TAPBPL: variants seen among roughly 807,000 people sequenced by gnomAD.
TAPBPL encodes the protein tapasin-related protein.
Under a neutral mutation model 44.8 loss-of-function variants are expected in TAPBPL, and 32 were observed. The ratio of observed to expected loss-of-function variants is 0.71; its 90% CI spans 0.54 to 0.96. The LOEUF (loss-of-function observed/expected upper bound fraction) is 0.96, where lower values mean the gene tolerates loss of function less well. Ranked by LOEUF, TAPBPL falls within the 40% of genes least tolerant of loss-of-function variation. TAPBPL has a pLI of 0.00. For synonymous variants in TAPBPL, 230 were observed against 240.7 expected (o/e 0.96, Z 0.41); for missense variants, 520 against 586.6 (o/e 0.89, Z 1.17).
chr12:6,464,458 G>T, downstream of TAPBPL: 1 of 1,559,706 alleles, frequency 6.4e-7, no homozygotes, highest in Non-Finnish European at 8.7e-7. Flanking sequence ...ACAGGGAAGG[G>T]GTGGTACATT....
At chr12:6,457,784 A>G (rs367967500) in intron 4 of TAPBPL, 40 bp downstream of exon 4, 1 of 1,506,930 alleles carries the variant, frequency 6.6e-7, no homozygotes, top group African/African-American at 1.4e-5. Flanking sequence ...AGGGGATATA[A>G]CATGTCTACT....
At chr12:6,454,727 A>G (rs1212386353) in intron 3 of TAPBPL, among the ~76,000 whole-genome samples, 1 of 152,188 alleles carries the variant, frequency 6.6e-6, no homozygotes, top group African/African-American at 2.4e-5. Context: ...GGTAAAGCTC[A>G]GGGATGCATC....
chr12:6,463,043 C>G (rs1287137823), downstream of TAPBPL: 10 of 1,543,740 alleles, frequency 6.5e-6, no homozygotes, highest in Non-Finnish European at 7.0e-6. The surrounding 1 kb of genome is among the most constrained non-coding windows in gnomAD (Gnocchi z 4.0). Context: ...CTGCCCTCCT[C>G]CCCTTGCACC....
rs769754032 is a variant in TAPBPL at position 6,460,073 on chromosome 12, CGA to C, written c.1208-778_1208-777del. ...ATATGAGCCACCGCACCCTGCCTGT[CGA>C]GAGGTTTTAAGCAGGAAAGGGACAG... is the stretch of plus-strand genomic sequence containing the variant. On this transcript the variant is annotated intron_variant, in intron 5 of 6. Coordinates refer to ENST00000266556, the MANE Select transcript of TAPBPL (RefSeq NM_018009.5). Among the ~76,000 whole-genome samples the C allele has an allele frequency of 2.6e-5, 4 of 151,714 alleles. No homozygotes were observed. The East Asian group carries it at 5.8e-4, about 22-fold the overall frequency.
downstream of TAPBPL, chr12:6,463,212 G>T: frequency 1.1e-5 from 15 of 1,426,902 alleles, 1 homozygote; most frequent in South Asian, 1.9e-4. The surrounding 1 kb of genome is among the most constrained non-coding windows in gnomAD (Gnocchi z 4.0). Context: ...AGGAAAGGGT[G>T]GTTCAAAGGG....
chr12:6,459,929 C>A (rs1268219655), intron 5 of TAPBPL, among the ~76,000 whole-genome samples: 4 of 151,880 alleles, frequency 2.6e-5, no homozygotes, highest in Non-Finnish European at 5.9e-5. Context: ...CACCACCACG[C>A]CTGGCTAATT....
chr12:6,460,678 T>C (rs2136993589), intron 5 of TAPBPL, among the ~76,000 whole-genome samples, 177 bp from the exon 6 acceptor site: 1 of 152,352 alleles, frequency 6.6e-6, no homozygotes, highest in Middle Eastern at 3.4e-3. Flanking sequence ...AACTCACAAG[T>C]ATCCAGCAAC....
chr12:6,457,302 C>T (rs981156322), intron 3 of TAPBPL, 104 bp from the exon 4 acceptor site: 34 of 1,108,238 alleles, frequency 3.1e-5, no homozygotes, highest in South Asian at 1.7e-4. Flanking sequence ...GCCTGTCAGG[C>T]GAGGAAGAGG....
chr12:6,452,354 A>G, intron 1 of TAPBPL, 42 bp downstream of exon 1: 1 of 1,553,422 alleles, frequency 6.4e-7, no homozygotes, highest in South Asian at 1.2e-5. Context: ...GAGAAGAGCT[A>G]CTGAAGCCCC....
At chr12:6,456,512 C>T (rs962825562) in intron 3 of TAPBPL, among the ~76,000 whole-genome samples, 12 of 151,472 alleles carry the variant, frequency 7.9e-5, no homozygotes, top group African/African-American at 1.7e-4. Context: ...TACAGGCATG[C>T]GCCACGACAC....
chr12:6,460,820 A>G lies in TAPBPL; in HGVS notation c.1208-35A>G, dbSNP rs778140400. ...AGGGCTCAGCTCATGATTCCTGCGCACGATGATCCCCGCCCACGTTGCTCT... is the reference window on the plus strand; with the variant it reads ...AGGGCTCAGCTCATGATTCCTGCGCGCGATGATCCCCGCCCACGTTGCTCT... On this transcript the variant is annotated intron_variant, in intron 5 of 6. Transcript: ENST00000266556. The G allele has an allele frequency of 2.5e-5, 41 of 1,610,132 alleles. No homozygotes were observed. In the Admixed American group the frequency reaches 5.8e-4, roughly 23 times the overall value.
Position 6,460,877 on chromosome 12 carries a change from C to A in TAPBPL, c.1230C>A (p.Val410=). 6.2e-7 allele frequency: 1 copy of A among 1,614,122 alleles called. No individual in the cohort carries two copies. Among genetic ancestry groups the A allele is most frequent in the South Asian group, 1.1e-5 (1 of 91,072 alleles). Residue 410 remains valine, a synonymous_variant, in exon 6 of 7, where the codon GTC becomes GTA. Transcript: ENST00000266556. ...CAGAGCGGAGAACAGCCTTGGGAGT[C>A]ATCTTTGCCAGCAGTCTCTTCCTTC... ...VPPERRTALG[V]IFASSLFLLA... is the part of the protein sequence containing the mutation.
downstream of TAPBPL, among the ~76,000 whole-genome samples, chr12:6,470,374 C>T (rs1280187641): frequency 6.6e-6 from 1 of 152,050 alleles, no homozygotes; most frequent in East Asian, 1.9e-4. Context: ...GCTGGCCCCC[C>T]TCCCTGGGGG....
intron 4 of TAPBPL, among the ~76,000 whole-genome samples, chr12:6,458,419 G>A (rs34280016): frequency 6.6e-6 from 1 of 151,298 alleles, no homozygotes; most frequent in Non-Finnish European, 1.5e-5. Context: ...TAAGAAGCCA[G>A]CCAATCTTTA....
At position 6,460,955 on chromosome 12, in the gene TAPBPL, C is replaced by T; in HGVS notation, c.1291+17C>T. The stretch of plus-strand genomic sequence containing the variant: ...GACGGCAAGGTAAGAGCCTGGGTGC[C>T]CTTGGCTCTGGCCCTGGCCCACCTC... On this transcript the variant is annotated intron_variant, in intron 6 of 6. Transcript: ENST00000266556. 1 of 1,614,008 alleles carries T rather than the reference C, an allele frequency of 6.2e-7. No individual in the cohort carries two copies. The highest frequency in any genetic ancestry group is 8.5e-7 in the Non-Finnish European group (1 of 1,179,960).
At chr12:6,466,565 C>T, downstream of TAPBPL, 3 of 454,966 alleles carry the variant, frequency 6.6e-6, no homozygotes, top group South Asian at 2.9e-5. Context: ...TCACCCCAAA[C>T]CACTTAAACA....
At chr12:6,469,886 A>AC (rs1945727403), downstream of TAPBPL, among the ~76,000 whole-genome samples, 1 of 152,224 alleles carries the variant, frequency 6.6e-6, no homozygotes, top group South Asian at 2.1e-4. Context: ...ACTCGGTGAT[A>AC]GAAAAACATC....
At chr12:6,465,736 A>G, downstream of TAPBPL, 1 of 1,436,358 alleles carries the variant, frequency 7.0e-7, no homozygotes, top group Non-Finnish European at 9.4e-7. Flanking sequence ...TGCTGGTCAG[A>G]GAGATCCTGC....
Position 6,458,706 on chromosome 12 carries a change from C to T in TAPBPL, c.966C>T (p.Asp322=). The T allele has an allele frequency of 6.2e-7, 1 of 1,614,202 alleles. No individual in the cohort carries two copies. The highest frequency in any genetic ancestry group is 8.5e-7 in the Non-Finnish European group (1 of 1,180,036). ...NEALLPTLIC[D]IAGYYPLDVV... ...CTCTGCTGCCCACCCTCATCTGCGA[C>T]ATTGCTGGCTATTACCCTCTGGATG... Residue 322 remains aspartate (D), a synonymous_variant, in exon 5 of 7, where the codon GAC becomes GAT. Transcript: ENST00000266556.
Sources: gnomAD v4.1 joint callset for allele counts (sites outside exome capture counted in the v4.1 genomes callset) on GRCh38, gnomAD v4.1.1 for gene constraint, Gnocchi (gnomAD v3.1) non-coding constraint, MANE v1.5 for transcripts, NCBI Gene and HGNC (gene_info 2026-07-23, HGNC 2026-07-21) for gene names.